PHACTR3: variants seen among roughly 807,000 people sequenced by gnomAD.
PHACTR3 encodes the protein protein phosphatase 1, regulatory subunit 123.
A neutral mutation model predicts 66.8 loss-of-function variants in PHACTR3; 16 were observed. The ratio of observed to expected loss-of-function variants is 0.24; its 90% confidence interval spans 0.16 to 0.36. PHACTR3 has a LOEUF of 0.36. Ranked by LOEUF, PHACTR3 falls within the 10% of genes least tolerant of loss-of-function variation. PHACTR3 has a pLI of 1.00. For missense variants in PHACTR3, 647 were observed against 719.9 expected (o/e 0.90, Z 1.16); for synonymous variants, 323 against 292.1 (o/e 1.11, Z -1.08).
chr20:59,696,872 C>T (rs906463809), intron 1 of PHACTR3, among the ~76,000 whole-genome samples: 2 of 152,184 alleles, frequency 1.3e-5, no homozygotes, highest in African/African-American at 4.8e-5. Context: ...TGGATTGCTG[C>T]TGGGACTTTG....
At position 59,604,877 on chromosome 20, in the gene PHACTR3, C is replaced by CTTGTTTTTTTTTTTTTTT; in HGVS notation, c.-136_-135insGTTTTTTTTTTTTTTTTT. The CTTGTTTTTTTTTTTTTTT allele has an allele frequency of 1.0e-6, 1 of 977,908 alleles. No homozygotes were observed. The highest frequency in any genetic ancestry group is 6.8e-5 in the Admixed American group (1 of 14,640). 60.6% of individuals were successfully genotyped at this position (977,908 alleles called of 1,614,324 possible). A position where few individuals can be genotyped will look rare whatever the true frequency, so the allele number is the denominator to read the frequency against. On this transcript the variant is annotated 5_prime_UTR_variant, in exon 1 of 13. Transcript: ENST00000371015. ...TCTCCAGCTCGTTTCCTTTCCCGGC[C>CTTGTTTTTTTTTTTTTTT]TTTTTTTTTTTTTTTTTTTTTTAAT...
At chr20:59,726,982 G>C (rs1429727718) in intron 1 of PHACTR3, among the ~76,000 whole-genome samples, 2 of 152,146 alleles carry the variant, frequency 1.3e-5, no homozygotes, top group Non-Finnish European at 2.9e-5. Flanking sequence ...GTACAGTTCA[G>C]TGCTCTGTGC....
chr20:59,837,394 G>A (rs1271712277), intron 9 of PHACTR3, among the ~76,000 whole-genome samples: 1 of 152,096 alleles, frequency 6.6e-6, no homozygotes, highest in Non-Finnish European at 1.5e-5. Flanking sequence ...CTGACTTTCT[G>A]TCAGAAAATA....
At chr20:59,834,237 C>T (rs1189635987) in intron 8 of PHACTR3, among the ~76,000 whole-genome samples, 5 of 152,142 alleles carry the variant, frequency 3.3e-5, no homozygotes, top group Non-Finnish European at 7.4e-5. Context: ...TGCCTGTGTG[C>T]CTTCCCCCTC....
At chr20:59,722,445 CT>C (rs2038353685) in intron 1 of PHACTR3, among the ~76,000 whole-genome samples, 1 of 152,090 alleles carries the variant, frequency 6.6e-6, no homozygotes, top group South Asian at 2.1e-4. Context: ...CGATCAGGGA[CT>C]TCCCTGTGCA....
chr20:59,598,742 T>C (rs1396359131), intron 1 of PHACTR3, among the ~76,000 whole-genome samples: 1 of 151,990 alleles, frequency 6.6e-6, no homozygotes, highest in Non-Finnish European at 1.5e-5. Context: ...GTGCAGGAAG[T>C]GAAGTTCAAG....
At chr20:59,603,303 C>G (rs1276351209), upstream of PHACTR3, among the ~76,000 whole-genome samples, 1 of 152,150 alleles carries the variant, frequency 6.6e-6, no homozygotes, top group African/African-American at 2.4e-5. Flanking sequence ...GTCCCTAATG[C>G]CTGGTGTGGT....
chr20:59,579,080 G>T (rs1227675216), intron 1 of PHACTR3, among the ~76,000 whole-genome samples: 1 of 152,134 alleles, frequency 6.6e-6, no homozygotes, highest in Admixed American at 6.5e-5. Context: ...CCTGTTTTTG[G>T]CAGTGCATGA....
At chr20:59,582,850 T>C (rs1285555086) in intron 1 of PHACTR3, among the ~76,000 whole-genome samples, 1 of 152,198 alleles carries the variant, frequency 6.6e-6, no homozygotes, top group Non-Finnish European at 1.5e-5. Context: ...GTGTCCTGTC[T>C]GTTGTGTGTC....
intron 1 of PHACTR3, among the ~76,000 whole-genome samples, chr20:59,624,769 T>A (rs1298902495): frequency 6.6e-6 from 1 of 152,206 alleles, no homozygotes; most frequent in Non-Finnish European, 1.5e-5. Context: ...AAACTTGTGA[T>A]GTTAATTTAA....
chr20:59,684,862 A>G (rs1185826560), intron 1 of PHACTR3, among the ~76,000 whole-genome samples: 1 of 152,220 alleles, frequency 6.6e-6, no homozygotes, highest in Non-Finnish European at 1.5e-5. Context: ...GCTGGGCTCC[A>G]GGCTACTGAG....
At chr20:59,630,213 C>T (rs1297026999) in intron 1 of PHACTR3, among the ~76,000 whole-genome samples, 5 of 152,098 alleles carry the variant, frequency 3.3e-5, no homozygotes, top group African/African-American at 9.7e-5. Context: ...GATGGAGTCT[C>T]ACTCTGTCCC....
At chr20:59,624,053 T>A (rs1250123270) in intron 1 of PHACTR3, among the ~76,000 whole-genome samples, 1 of 152,074 alleles carries the variant, frequency 6.6e-6, no homozygotes, top group African/African-American at 2.4e-5. Flanking sequence ...GCTGCTGGTG[T>A]GTCGCCTCTC....
chr20:59,845,121 T>C (rs2059126786), intron 11 of PHACTR3, 68 bp from the exon 12 acceptor site: 2 of 993,000 alleles, frequency 2.0e-6, no homozygotes, highest in African/African-American at 3.3e-5. Flanking sequence ...GGTTAATTTA[T>C]AAACACGATG....
rs200569425 is a variant in PHACTR3 at position 59,763,527 on chromosome 20, TG to T, written c.542-3658del. 8.2e-4 allele frequency among the ~76,000 whole-genome samples: 125 copies of T among 152,314 alleles called. 2 individuals are homozygous for T. The East Asian group carries it at 0.023, about 28-fold the overall frequency. ...GAAGGGAAGGCTCAGGAGAATTTTT[TG>T]TGGGGACCAAGATTCAAGTTTGGAT... On this transcript the variant is annotated intron_variant, in intron 4 of 12. Coordinates refer to ENST00000371015, the MANE Select transcript of PHACTR3 (RefSeq NM_080672.5).
At chr20:59,669,815 T>C (rs1601053322) in intron 1 of PHACTR3, among the ~76,000 whole-genome samples, 2 of 152,258 alleles carry the variant, frequency 1.3e-5, no homozygotes, top group East Asian at 3.8e-4. Context: ...CCATTCCTTT[T>C]TATGACAGAA....
chr20:59,836,786 T>C (rs749525770), intron 9 of PHACTR3, among the ~76,000 whole-genome samples: 85 of 152,168 alleles, frequency 5.6e-4, no homozygotes, highest in Non-Finnish European at 4.0e-4. Flanking sequence ...AGCATAAAGA[T>C]GTTTTTATTT....
In PHACTR3 at chr20:59,738,123, G is replaced by A. The variant is rs938731345; in HGVS notation, c.119-4984G>A. Among the ~76,000 whole-genome samples, 2 of 152,104 alleles carry A rather than the reference G, an allele frequency of 1.3e-5. No homozygotes were observed. Among genetic ancestry groups the A allele is most frequent in the Non-Finnish European group, 2.9e-5 (2 of 68,022 alleles). On this transcript the variant is annotated intron_variant, in intron 1 of 12. Transcript: ENST00000371015. The surrounding 1 kb of genome is among the most constrained non-coding windows in gnomAD (Gnocchi z 4.4). ...TTCCACCAGTGGAAGCAGTCACATAGCCACAGCAAGAAGGAGACACCATAC... is the reference window on the plus strand; with the variant it reads ...TTCCACCAGTGGAAGCAGTCACATAACCACAGCAAGAAGGAGACACCATAC...
rs1458059575 is a variant in PHACTR3 at position 59,635,101 on chromosome 20, C to CTTTCTTTCTTTCTT, written c.118+29970_118+29971insTTCTTTCTTTCTTT. Among the ~76,000 whole-genome samples, 14 of 92,982 alleles carry CTTTCTTTCTTTCTT rather than the reference C, an allele frequency of 1.5e-4. 1 individual carries two copies. Among genetic ancestry groups the CTTTCTTTCTTTCTT allele is most frequent in the South Asian group, 8.9e-4 (2 of 2,236 alleles). The allele number at this position is 92,982 out of a possible 152,430, so 61.0% of individuals were successfully genotyped here. ...TTCTTTTTTCTTTCTTTCTTTCTCT[C>CTTTCTTTCTTTCTT]TCTTTCTTTCTTTCTTTCTTTCTTT... On this transcript the variant is annotated intron_variant, in intron 1 of 12. Coordinates refer to ENST00000371015, the MANE Select transcript of PHACTR3 (RefSeq NM_080672.5).
Sources: gnomAD v4.1 joint callset for allele counts (sites outside exome capture counted in the v4.1 genomes callset) on GRCh38, gnomAD v4.1.1 for gene constraint, Gnocchi (gnomAD v3.1) non-coding constraint, MANE v1.5 for transcripts, NCBI Gene and HGNC (gene_info 2026-07-23, HGNC 2026-07-21) for gene names.